SLC14A2: variants seen among roughly 807,000 people sequenced by gnomAD.
SLC14A2 encodes the protein urea transporter 2.
SLC14A2 carries 91 observed loss-of-function variants against 104.6 expected under a neutral mutation model. That is an observed-to-expected ratio of 0.87 (90% CI 0.73 to 1.04). SLC14A2 has a LOEUF of 1.04. Ranked by LOEUF, SLC14A2 falls within the 50% of genes least tolerant of loss-of-function variation. The pLI is 0.00. For synonymous variants in SLC14A2, 476 were observed against 466.4 expected (o/e 1.02, Z -0.27); for missense variants, 1,189 against 1,156.0 (o/e 1.03, Z -0.41).
intron 10 of SLC14A2, among the ~76,000 whole-genome samples, chr18:45,653,305 G>A (rs901952457): frequency 2.0e-5 from 3 of 151,994 alleles, no homozygotes; most frequent in Non-Finnish European, 4.4e-5. Flanking sequence ...CAAGGCCCTC[G>A]TGATTAGGAC....
At chr18:45,290,271 C>A (rs1568137441) in intron 1 of SLC14A2, among the ~76,000 whole-genome samples, 1 of 152,164 alleles carries the variant, frequency 6.6e-6, no homozygotes. Context: ...CACCTCCCTG[C>A]TCCCACTAGT....
chr18:45,182,580 A>G, the SLC14A2 span, among the ~76,000 whole-genome samples: 5 of 152,062 alleles, frequency 3.3e-5, no homozygotes, highest in African/African-American at 7.2e-5. Context: ...AGTATTTTAT[A>G]ATACAGAAAA....
chr18:45,442,442 T>C (rs1251813217), intron 1 of SLC14A2, among the ~76,000 whole-genome samples: 2 of 152,198 alleles, frequency 1.3e-5, no homozygotes, highest in Admixed American at 6.5e-5. Flanking sequence ...AATCTTTGAC[T>C]TTCGTTGGCA....
chr18:45,238,455 A>G (rs1412237484), intron 1 of SLC14A2, among the ~76,000 whole-genome samples: 1 of 152,236 alleles, frequency 6.6e-6, no homozygotes, highest in Admixed American at 6.5e-5. Flanking sequence ...TGCTACTCCC[A>G]CATGCTCATG....
chr18:45,653,368 G>A (rs193049452), intron 10 of SLC14A2, among the ~76,000 whole-genome samples: 15 of 152,202 alleles, frequency 9.9e-5, no homozygotes, highest in Admixed American at 8.5e-4. Context: ...GGCCTTTGAC[G>A]TCAGTGGGGG....
At chr18:45,411,053 G>T (rs1013978719) in intron 1 of SLC14A2, among the ~76,000 whole-genome samples, 3 of 152,166 alleles carry the variant, frequency 2.0e-5, no homozygotes, top group Admixed American at 6.5e-5. Flanking sequence ...ATTATGTATT[G>T]ATTGGCAACA....
intron 2 of SLC14A2, among the ~76,000 whole-genome samples, chr18:45,523,749 G>A (rs2043551672): frequency 1.3e-5 from 2 of 152,064 alleles, no homozygotes; most frequent in Non-Finnish European, 2.9e-5. Context: ...CTCTGACACA[G>A]CAACTGCCTG....
chr18:45,344,579 T>C (rs1353624543), intron 1 of SLC14A2, among the ~76,000 whole-genome samples: 2 of 152,168 alleles, frequency 1.3e-5, no homozygotes, highest in African/African-American at 4.8e-5. Context: ...CAGGCAGATA[T>C]TTTGGATGCA....
At chr18:45,517,264 G>A (rs1019157620) in intron 2 of SLC14A2, among the ~76,000 whole-genome samples, 14 of 152,294 alleles carry the variant, frequency 9.2e-5, no homozygotes, top group South Asian at 4.2e-4. Flanking sequence ...ATAACCTCCC[G>A]AAGTAACTTC....
intron 1 of SLC14A2, among the ~76,000 whole-genome samples, chr18:45,623,980 C>T (rs1349410856): frequency 6.6e-6 from 1 of 152,158 alleles, no homozygotes; most frequent in Non-Finnish European, 1.5e-5. Context: ...GGACCTCAGG[C>T]AAAGGATGTT....
At chr18:45,636,882 G>A in intron 5 of SLC14A2, 108 bp from the exon 6 acceptor site, 1 of 771,156 alleles carries the variant, frequency 1.3e-6, no homozygotes, top group Non-Finnish European at 2.2e-6. Flanking sequence ...GGCCAGGAAT[G>A]CTGTGCCTAG....
chr18:45,204,580 G>A, the SLC14A2 span, among the ~76,000 whole-genome samples: 1 of 152,180 alleles, frequency 6.6e-6, no homozygotes, highest in South Asian at 2.1e-4. Flanking sequence ...ACTCTCAAGA[G>A]TAATGCATGT....
intron 2 of SLC14A2, among the ~76,000 whole-genome samples, chr18:45,562,233 A>C (rs916758083): frequency 7.9e-5 from 12 of 152,252 alleles, no homozygotes; most frequent in Non-Finnish European, 1.3e-4. Context: ...ACAGATAAGC[A>C]TGTTGTGAAT....
chr18:45,603,406 G>C lies in SLC14A2; in HGVS notation c.-34-21225G>C, dbSNP rs187007342. On this transcript the variant is annotated intron_variant, in intron 2 of 20. Coordinates refer to the SLC14A2 transcript ENST00000586448. ...ATTGACAATCAACAAGCAGATGACA[G>C]AGTCACTGAAAACTGAGAGTTCACT... Among the ~76,000 whole-genome samples, 155 of 152,156 alleles carry C rather than the reference G, an allele frequency of 1.0e-3. 1 individual carries two copies. Among genetic ancestry groups the C allele is most frequent in the African/African-American group, 3.4e-3 (142 of 41,496 alleles).
intron 1 of SLC14A2, among the ~76,000 whole-genome samples, chr18:45,232,946 T>C (rs2084189211): frequency 6.6e-6 from 1 of 152,242 alleles, no homozygotes; most frequent in Non-Finnish European, 1.5e-5. Flanking sequence ...CGAGAAGGTA[T>C]AGGTTGACTT....
At position 45,403,169 on chromosome 18, in the gene SLC14A2, G is replaced by A. The variant is rs562576105; in HGVS notation, c.-124-80064G>A. On this transcript the variant is annotated intron_variant, in intron 1 of 20. Coordinates refer to the SLC14A2 transcript ENST00000586448. ...ATAGCTGCCTTCTCACCATGTCCTC[G>A]TATGTTCTTTCTTCTGTGCATGAGG... Among the ~76,000 whole-genome samples the A allele has an allele frequency of 1.8e-4, 28 of 152,224 alleles. No individual in the cohort carries two copies. The South Asian group carries it at 4.2e-3, about 23-fold the overall frequency.
At chr18:45,318,810 G>T (rs988370718) in intron 1 of SLC14A2, among the ~76,000 whole-genome samples, 2 of 151,752 alleles carry the variant, frequency 1.3e-5, no homozygotes, top group African/African-American at 4.8e-5. Context: ...AAATTCGCAG[G>T]TCCTCCCCAG....
chr18:45,644,363 C>G, intron 10 of SLC14A2: 1 of 502,544 alleles, frequency 2.0e-6, no homozygotes, highest in Admixed American at 3.3e-5. Context: ...ATCTATTGTG[C>G]GACATTAAGG....
chr18:45,463,386 C>A (rs1023623507), intron 1 of SLC14A2, among the ~76,000 whole-genome samples: 1 of 152,130 alleles, frequency 6.6e-6, no homozygotes, highest in African/African-American at 2.4e-5. Flanking sequence ...AAAGATGATC[C>A]CTACTTAATG....
Sources: gnomAD v4.1 joint callset for allele counts (sites outside exome capture counted in the v4.1 genomes callset) on GRCh38, gnomAD v4.1.1 for gene constraint, MANE v1.5 for transcripts, NCBI Gene and HGNC (gene_info 2026-07-23, HGNC 2026-07-21) for gene names.